The following KLHL20 variants were observed in gnomAD, a reference collection of about 807,000 sequenced individuals.
The protein encoded by KLHL20 is kelch like family member 20, also known as kelch-like protein 20.
Under a neutral mutation model 69.5 loss-of-function variants are expected in KLHL20, and 29 were observed. That is an observed-to-expected ratio of 0.42 (90% CI 0.31 to 0.57). The LOEUF (loss-of-function observed/expected upper bound fraction) is 0.57, where lower values mean the gene tolerates loss of function less well. Among genes scored for constraint, KLHL20 ranks in the 20% least tolerant of loss-of-function variants. KLHL20 has a pLI of 0.18. For missense variants in KLHL20, 419 were observed against 776.0 expected, an observed-to-expected ratio of 0.54 and a Z score of 5.47; for synonymous variants, 253 against 265.2, an observed-to-expected ratio of 0.95 and a Z score of 0.45.
At chr1:173,751,699 GA>G in intron 3 of KLHL20, 64 bp from the exon 4 acceptor site, 2 of 1,524,270 alleles carry the variant, frequency 1.3e-6, no homozygotes, top group Non-Finnish European at 1.8e-6. Flanking sequence ...TAACCCTGAA[GA>G]AAAACACTGA....
intron 10 of KLHL20, 55 bp from the exon 11 acceptor site, chr1:173,782,069 A>G (rs1558228304): frequency 1.6e-6 from 2 of 1,225,020 alleles, no homozygotes; most frequent in East Asian, 4.7e-5. Flanking sequence ...CCAGTCTATA[A>G]TTTCCTTACG....
At chr1:173,730,860 A>G (rs1294962291) in intron 2 of KLHL20, among the ~76,000 whole-genome samples, 2 of 152,218 alleles carry the variant, frequency 1.3e-5, no homozygotes, top group East Asian at 3.9e-4. Flanking sequence ...AAAAGCCAAA[A>G]TTGACAAATG....
At chr1:173,730,791 A>G (rs904916973) in intron 2 of KLHL20, among the ~76,000 whole-genome samples, 7 of 152,234 alleles carry the variant, frequency 4.6e-5, no homozygotes, top group Non-Finnish European at 1.0e-4. Context: ...AGGCAATACC[A>G]TTCAGGACAT....
At chr1:173,739,175 C>A (rs866528343) in intron 3 of KLHL20, among the ~76,000 whole-genome samples, 37 of 152,022 alleles carry the variant, frequency 2.4e-4, no homozygotes, top group African/African-American at 8.5e-4. Flanking sequence ...CACATTCAAG[C>A]GATTCTCCTG....
chr1:173,734,034 C>A lies in KLHL20; in HGVS notation c.345C>A (p.Asp115Glu). The A allele has an allele frequency of 6.2e-7, 1 of 1,614,096 alleles. No individual in the cohort carries two copies. Among genetic ancestry groups the A allele is most frequent in the Non-Finnish European group, 8.5e-7 (1 of 1,180,024 alleles). Residue 115 changes from aspartate to glutamate, a missense_variant, in exon 3 of 12, where the codon GAC becomes GAA. Around this residue, in one of 6 missense-constraint regions of KLHL20, gnomAD observed 129 missense variants for 183.6 expected, o/e 0.70. Transcript: ENST00000209884. ...RQTEVVIRDI[D>E]ERAMELLIDF... Reference sequence around the variant, plus strand: ...CAGAAGTAGTGATCCGAGACATTGACGAGAGGGCTATGGAATTACTGATTG... The same window carrying A: ...CAGAAGTAGTGATCCGAGACATTGAAGAGAGGGCTATGGAATTACTGATTG...
At chr1:173,750,837 A>C (rs1308407026) in intron 3 of KLHL20, among the ~76,000 whole-genome samples, 2 of 152,214 alleles carry the variant, frequency 1.3e-5, no homozygotes, top group African/African-American at 4.8e-5. Context: ...CTAGGATTAC[A>C]GGCATGAGCC....
intron 2 of KLHL20, 28 bp from the exon 3 acceptor site, chr1:173,733,682 ATCT>A (rs768733477): frequency 1.6e-5 from 24 of 1,493,034 alleles, no homozygotes; most frequent in Non-Finnish European, 2.0e-5. Context: ...TAATACTGCC[ATCT>A]TCTCTCTCTC....
chr1:173,745,215 AG>A (rs1673000337), intron 3 of KLHL20, among the ~76,000 whole-genome samples: 1 of 128,682 alleles, frequency 7.8e-6, no homozygotes, highest in Admixed American at 1.0e-4. Context: ...TGTGTCACCC[AG>A]GGTGGAGTGC....
intron 2 of KLHL20, among the ~76,000 whole-genome samples, chr1:173,724,322 T>G (rs1438586517): frequency 6.6e-6 from 1 of 152,120 alleles, no homozygotes; most frequent in Non-Finnish European, 1.5e-5. Flanking sequence ...AAAATTCTTA[T>G]GTTTGAACCA....
At chr1:173,755,804 T>G in intron 5 of KLHL20, 119 bp from the exon 6 acceptor site, 1 of 615,684 alleles carries the variant, frequency 1.6e-6, no homozygotes, top group Non-Finnish European at 2.9e-6. Context: ...CTGGCATTCA[T>G]GATTTGGTTT....
chr1:173,725,338 A>T (rs1409117628), intron 2 of KLHL20, among the ~76,000 whole-genome samples: 1 of 152,212 alleles, frequency 6.6e-6, no homozygotes, highest in African/African-American at 2.4e-5. Context: ...CTTGATTTTG[A>T]GTAAGTCACG....
intron 2 of KLHL20, among the ~76,000 whole-genome samples, chr1:173,725,770 G>A (rs563277451): frequency 1.3e-5 from 2 of 152,320 alleles, no homozygotes; most frequent in South Asian, 4.1e-4. Context: ...AAAACGAGGA[G>A]CCAAGATGGC....
rs1227377636 is a variant in KLHL20 at position 173,781,522 on chromosome 1, C to T, written c.1639-602C>T. ...GTAAAGACAGGGTCTCACTGTGTTG[C>T]CCAGGCCTGTCTCGAACTCCTGGGC... On this transcript the variant is annotated intron_variant, in intron 10 of 11. Coordinates refer to ENST00000209884, the MANE Select transcript of KLHL20 (RefSeq NM_014458.4). 3.9e-5 allele frequency among the ~76,000 whole-genome samples: 6 copies of T among 152,176 alleles called. No homozygotes were observed. The East Asian group carries it at 9.6e-4, about 24-fold the overall frequency.
At chr1:173,779,117 C>T (rs1387468779) in intron 10 of KLHL20, among the ~76,000 whole-genome samples, 1 of 151,876 alleles carries the variant, frequency 6.6e-6, no homozygotes. Flanking sequence ...TGTCCAAAAC[C>T]GCTTTATAGG....
intron 9 of KLHL20, among the ~76,000 whole-genome samples, chr1:173,774,969 C>T (rs1648363172): frequency 6.6e-6 from 1 of 152,092 alleles, no homozygotes. Context: ...TGCCACCACA[C>T]TTGGCTGATT....
intron 7 of KLHL20, among the ~76,000 whole-genome samples, chr1:173,757,677 A>G (rs1450251000): frequency 3.3e-5 from 5 of 151,992 alleles, no homozygotes; most frequent in Non-Finnish European, 7.4e-5. Flanking sequence ...AAAAAAAAAA[A>G]AAAGAAAAAA....
intron 3 of KLHL20, among the ~76,000 whole-genome samples, chr1:173,747,479 T>C (rs994840095): frequency 6.6e-6 from 1 of 152,110 alleles, no homozygotes; most frequent in African/African-American, 2.4e-5. Flanking sequence ...GTTTTCTTAT[T>C]GTTTCCATTT....
intron 1 of KLHL20, chr1:173,715,671 G>A (rs1168953027): frequency 4.7e-6 from 1 of 211,658 alleles, no homozygotes. Flanking sequence ...ACTGCTGTGG[G>A]TATCTGGTGC....
intron 4 of KLHL20, among the ~76,000 whole-genome samples, chr1:173,752,348 A>T (rs1673353992): frequency 6.6e-6 from 1 of 152,218 alleles, no homozygotes; most frequent in South Asian, 2.1e-4. Flanking sequence ...TTTCCAAATA[A>T]TCAAGGAAAT....
Sources: allele counts gnomAD v4.1 joint callset (sites outside exome capture counted in the v4.1 genomes callset), GRCh38; gene constraint gnomAD v4.1.1; regional missense constraint gnomAD v4.1.1; transcripts MANE v1.5; gene names NCBI Gene and HGNC (gene_info 2026-07-23, HGNC 2026-07-21).